Variants in NEXMIF observed in about 807,000 individuals in gnomAD.
NEXMIF encodes neurite extension and migration factor.
In NEXMIF, 8 loss-of-function variants were observed where a neutral mutation model predicts 62.1. That is an observed-to-expected ratio of 0.13 (90% confidence interval 0.08 to 0.23). NEXMIF has a LOEUF of 0.23. Ranked by LOEUF, NEXMIF falls within the 10% of genes least tolerant of loss-of-function variation. The probability of loss-of-function intolerance (pLI) is 1.00; values close to 1 mark genes in which losing one functional copy is unlikely to be tolerated. For missense variants in NEXMIF, 976 were observed against 1,113.3 expected (o/e 0.88, Z 1.75); for synonymous variants, 404 against 416.6 (o/e 0.97, Z 0.37).
rs1299324656 is a variant in NEXMIF, at chrX:74,738,318, G to C, written c.*1087C>G. 2 of 111,308 alleles carry C rather than the reference G, an allele frequency of 1.8e-5. No individual in the cohort carries two copies. Among genetic ancestry groups the C allele is most frequent in the East Asian group, 5.6e-4 (2 of 3,543 alleles). The allele number at this position is 111,308 out of a possible 1,213,427, so 9.2% of individuals were successfully genotyped here. ...ACTTTACTCATAAGAAGAAAAATTT[G>C]GTTGAACTGGGATGCCTTAACATTT... On this transcript the variant is annotated 3_prime_UTR_variant, in exon 4 of 4. Coordinates refer to ENST00000055682, the MANE Select transcript of NEXMIF (RefSeq NM_001008537.3).
chrX:74,881,392 G>GCACACACACACACACACACA (rs367805528), intron 1 of NEXMIF, among the ~76,000 whole-genome samples: 23 of 88,586 alleles, frequency 2.6e-4, no homozygotes, highest in African/African-American at 9.3e-4. Context: ...ACATACACAT[G>GCACACACACACACACACACA]CACACACACA....
chrX:74,847,537 T>C (rs2080496259), intron 1 of NEXMIF, among the ~76,000 whole-genome samples: 1 of 112,070 alleles, frequency 8.9e-6, no homozygotes. Context: ...AAAAACACTT[T>C]TAAGTAACAT....
intron 1 of NEXMIF, among the ~76,000 whole-genome samples, chrX:74,851,219 C>T (rs956572989): frequency 7.2e-5 from 8 of 111,037 alleles, no homozygotes; most frequent in African/African-American, 2.3e-4. Flanking sequence ...ACCTACATGA[C>T]ATAAAGGAGA....
chrX:74,779,220 A>G (rs2080238009), intron 1 of NEXMIF, among the ~76,000 whole-genome samples: 1 of 112,409 alleles, frequency 8.9e-6, no homozygotes, highest in African/African-American at 3.2e-5. Flanking sequence ...CAGAGTTCTG[A>G]CTGATTGAGT....
At chrX:74,909,432 G>C (rs1212316384) in intron 1 of NEXMIF, among the ~76,000 whole-genome samples, 2 of 111,941 alleles carry the variant, frequency 1.8e-5, no homozygotes, top group African/African-American at 6.5e-5. Flanking sequence ...AAATGATTTA[G>C]GGTATCTGGT....
At chrX:74,804,703 C>T (rs936488493) in intron 1 of NEXMIF, among the ~76,000 whole-genome samples, 5 of 111,787 alleles carry the variant, frequency 4.5e-5, no homozygotes, top group African/African-American at 1.3e-4. Flanking sequence ...CCACAAGCTG[C>T]GCAGTCTGGG....
chrX:74,806,181 GT>G (rs1190990772), intron 1 of NEXMIF, among the ~76,000 whole-genome samples: 2 of 110,585 alleles, frequency 1.8e-5, no homozygotes, highest in Non-Finnish European at 3.8e-5. Flanking sequence ...TCAACTTACC[GT>G]TTTTTTTCTT....
intron 1 of NEXMIF, among the ~76,000 whole-genome samples, chrX:74,855,215 GAC>G (rs1417960080): frequency 9.0e-6 from 1 of 111,692 alleles, no homozygotes; most frequent in Non-Finnish European, 1.9e-5. Context: ...TATAAAAACA[GAC>G]ACACAGATAA....
intron 1 of NEXMIF, among the ~76,000 whole-genome samples, chrX:74,884,359 T>C (rs999823630): frequency 1.8e-5 from 2 of 111,436 alleles, no homozygotes; most frequent in Non-Finnish European, 3.8e-5. Context: ...GCAAATTGGA[T>C]AAAGAGTCAA....
intron 1 of NEXMIF, among the ~76,000 whole-genome samples, chrX:74,750,559 A>G (rs2080138955): frequency 8.9e-6 from 1 of 112,007 alleles, no homozygotes; most frequent in Non-Finnish European, 1.9e-5. Flanking sequence ...GCTATAGCAA[A>G]TAGGCCCACA....
intron 1 of NEXMIF, among the ~76,000 whole-genome samples, chrX:74,887,781 C>T (rs897027699): frequency 1.8e-5 from 2 of 111,920 alleles, no homozygotes; most frequent in African/African-American, 6.5e-5. Context: ...ATTGACCCAG[C>T]CATCCCATTA....
chrX:74,809,020 G>T (rs2080353139), intron 1 of NEXMIF, among the ~76,000 whole-genome samples: 1 of 111,749 alleles, frequency 8.9e-6, no homozygotes, highest in Admixed American at 9.5e-5. Flanking sequence ...ATGGATTAGT[G>T]CTGTTATAAA....
intron 1 of NEXMIF, among the ~76,000 whole-genome samples, chrX:74,884,283 T>G (rs1200044155): frequency 9.0e-6 from 1 of 111,575 alleles, no homozygotes; most frequent in Non-Finnish European, 1.9e-5. Context: ...AGGATCAAAT[T>G]CATACATAAC....
intron 1 of NEXMIF, among the ~76,000 whole-genome samples, chrX:74,870,350 A>G (rs1041830044): frequency 3.6e-5 from 4 of 111,574 alleles, no homozygotes; most frequent in Middle Eastern, 4.6e-3. Context: ...GAAATCTAAG[A>G]CCTCAAGCTA....
intron 1 of NEXMIF, among the ~76,000 whole-genome samples, chrX:74,812,670 A>G (rs769500292): frequency 8.9e-6 from 1 of 112,026 alleles, no homozygotes; most frequent in South Asian, 3.7e-4. Flanking sequence ...TCAGGAAGAA[A>G]AATAGAAGAA....
At chrX:74,920,695 C>A (rs1001848413) in intron 1 of NEXMIF, among the ~76,000 whole-genome samples, 2 of 111,646 alleles carry the variant, frequency 1.8e-5, no homozygotes, top group Non-Finnish European at 3.8e-5. Flanking sequence ...ACATGAAGTC[C>A]TTGCCCATGC....
intron 1 of NEXMIF, among the ~76,000 whole-genome samples, chrX:74,896,321 C>G (rs904840508): frequency 9.0e-6 from 1 of 111,498 alleles, no homozygotes; most frequent in Non-Finnish European, 1.9e-5. Flanking sequence ...TGAAATTCAA[C>G]ATTTGCTAAC....
chrX:74,844,578 G>A (rs1331967238), intron 1 of NEXMIF, among the ~76,000 whole-genome samples: 7 of 111,277 alleles, frequency 6.3e-5, no homozygotes, highest in African/African-American at 9.8e-5. Flanking sequence ...CTAATACAGG[G>A]GGGCTAGAGA....
At chrX:74,890,454 C>T (rs2080714014) in intron 1 of NEXMIF, among the ~76,000 whole-genome samples, 1 of 110,663 alleles carries the variant, frequency 9.0e-6, no homozygotes, top group Non-Finnish European at 1.9e-5. Context: ...GGAACCCAGG[C>T]ACAGGCACTC....
Sources: gnomAD v4.1 joint callset for allele counts (sites outside exome capture counted in the v4.1 genomes callset) on GRCh38, gnomAD v4.1.1 for gene constraint, MANE v1.5 for transcripts, NCBI Gene and HGNC (gene_info 2026-07-23, HGNC 2026-07-21) for gene names.